The following UBE2QL1 variants were observed in gnomAD, a reference collection of about 807,000 sequenced individuals.
The protein encoded by UBE2QL1 is ubiquitin-conjugating enzyme E2Q-like protein 1.
Under a neutral mutation model 12.6 loss-of-function variants are expected in UBE2QL1, and 5 were observed. That is an observed-to-expected ratio of 0.40 (90% CI 0.21 to 0.83). The LOEUF (loss-of-function observed/expected upper bound fraction) is 0.83. Ranked by LOEUF, UBE2QL1 falls within the 40% of genes least tolerant of loss-of-function variation. The pLI is 0.37. For missense variants in UBE2QL1, 99 were observed against 222.6 expected (o/e 0.44, Z 3.53); for synonymous variants, 96 against 94.5 (o/e 1.02, Z -0.10).
intron 1 of UBE2QL1, among the ~76,000 whole-genome samples, chr5:6,485,574 T>C (rs776476684): frequency 1.3e-5 from 2 of 152,180 alleles, no homozygotes; most frequent in Admixed American, 6.5e-5. Flanking sequence ...TTACAACCCA[T>C]GTCAGGGAGC....
At chr5:6,461,434 T>C (rs1355718907) in intron 1 of UBE2QL1, among the ~76,000 whole-genome samples, 1 of 152,140 alleles carries the variant, frequency 6.6e-6, no homozygotes. Context: ...GCTGTTTTTA[T>C]TGTATTCCCA....
rs1734642866 is a variant in UBE2QL1 at position 6,495,064 on chromosome 5, A to G, written c.*3715A>G. Among the ~76,000 whole-genome samples the G allele has an allele frequency of 6.6e-6, 1 of 152,200 alleles. No homozygotes were observed. The highest frequency in any genetic ancestry group is 1.5e-5 in the Non-Finnish European group (1 of 68,038). On this transcript the variant is annotated 3_prime_UTR_variant, in exon 2 of 2. Coordinates refer to ENST00000399816, the MANE Select transcript of UBE2QL1 (RefSeq NM_001145161.3). ...TCAGGTTTGAGCCATGGCTGGGCAA[A>G]GGGAAGGAGAAGGGCAGGTGTAGCA...
rs151117573 is a variant in UBE2QL1, at chr5:6,488,148, C to T, written c.355-3070C>T. Among the ~76,000 whole-genome samples the T allele has an allele frequency of 2.2e-4, 33 of 152,336 alleles. No homozygotes were observed. In the East Asian group the frequency reaches 4.8e-3, roughly 22 times the overall value. On this transcript the variant is annotated intron_variant, in intron 1 of 1. Transcript: ENST00000399816. ...CGCTGAGCCTCTGACTGGCTCATAACGGGCTCTGTCTCCCAGCTGTGGAAT... is the reference window on the plus strand; with the variant it reads ...CGCTGAGCCTCTGACTGGCTCATAATGGGCTCTGTCTCCCAGCTGTGGAAT...
At chr5:6,466,142 C>T (rs1015442475) in intron 1 of UBE2QL1, among the ~76,000 whole-genome samples, 1 of 152,092 alleles carries the variant, frequency 6.6e-6, no homozygotes, top group East Asian at 1.9e-4. Flanking sequence ...GCAGCCACGG[C>T]GATGCAGCGC....
chr5:6,461,113 A>G (rs2126334207), intron 1 of UBE2QL1, among the ~76,000 whole-genome samples: 1 of 152,338 alleles, frequency 6.6e-6, no homozygotes, highest in Middle Eastern at 3.4e-3. Context: ...AGAGAAACCT[A>G]GCTGAAATAT....
rs973661859 is a variant in UBE2QL1 at position 6,479,577 on chromosome 5, G to A, written c.355-11641G>A. ...CCGGTGAGTCTGTCCATCATAAAAA[G>A]GGCAGAGGCTGTGCTCATTAAGACT... On this transcript the variant is annotated intron_variant, in intron 1 of 1. Transcript: ENST00000399816. The surrounding 1 kb of genome is among the most constrained non-coding windows in gnomAD (Gnocchi z 4.2). 3.3e-5 allele frequency among the ~76,000 whole-genome samples: 5 copies of A among 152,200 alleles called. No individual in the cohort carries two copies. Among genetic ancestry groups the A allele is most frequent in the African/African-American group, 1.2e-4 (5 of 41,438 alleles).
At chr5:6,459,465 C>G (rs1739604764) in intron 1 of UBE2QL1, among the ~76,000 whole-genome samples, 1 of 152,154 alleles carries the variant, frequency 6.6e-6, no homozygotes, top group South Asian at 2.1e-4. Context: ...TCCCTTCCTG[C>G]TGCCCCAAAC....
chr5:6,488,226 A>G (rs1474814415), intron 1 of UBE2QL1, among the ~76,000 whole-genome samples: 2 of 152,208 alleles, frequency 1.3e-5, no homozygotes, highest in Non-Finnish European at 2.9e-5. Flanking sequence ...AGAAAAGGCA[A>G]CAAAGAGTGG....
At chr5:6,474,749 G>A (rs824621) in intron 1 of UBE2QL1, among the ~76,000 whole-genome samples, 132,521 of 152,144 alleles carry the variant, frequency 0.87, 58,376 homozygotes, top group South Asian at 0.96. Context: ...GAGAGGGGCA[G>A]TGAGCACTTT....
intron 1 of UBE2QL1, among the ~76,000 whole-genome samples, chr5:6,456,864 C>T (rs1458474613): frequency 6.6e-6 from 1 of 152,102 alleles, no homozygotes; most frequent in East Asian, 1.9e-4. Flanking sequence ...CGACCTTGCC[C>T]CTTACCTGGC....
At position 6,495,737 on chromosome 5, in the gene UBE2QL1, C is replaced by G. The variant is rs950412264; in HGVS notation, c.*4388C>G. On this transcript the variant is annotated 3_prime_UTR_variant, in exon 2 of 2. Transcript: ENST00000399816. ...CTTCTGTAAGGGGCTTGGAGCTCAG[C>G]CTATGGGACTGTAGTCAGAACTTTG... Among the ~76,000 whole-genome samples the G allele has an allele frequency of 6.6e-5, 10 of 152,150 alleles. No individual in the cohort carries two copies. The highest frequency in any genetic ancestry group is 2.4e-4 in the African/African-American group (10 of 41,424).
In UBE2QL1 at chr5:6,458,962, G is replaced by A. The variant is rs114063481; in HGVS notation, c.354+9715G>A. Among the ~76,000 whole-genome samples the A allele has an allele frequency of 5.1e-3, 764 of 148,728 alleles. 4 individuals carry two copies. The highest frequency in any genetic ancestry group is 0.018 in the African/African-American group (740 of 40,258). ...GTGCCTGCGTCTGACAGCACCTCTC[G>A]GGTGGGAGCCTTCCTCCTCCAGGTT... On this transcript the variant is annotated intron_variant, in intron 1 of 1. Transcript: ENST00000399816.
rs1405756674 is a variant in UBE2QL1 at position 6,494,253 on chromosome 5, A to G, written c.*2904A>G. On this transcript the variant is annotated 3_prime_UTR_variant, in exon 2 of 2. Transcript: ENST00000399816. ...TCTGTAACTTTCTAGAAGACTGAGA[A>G]CTGCTTATGCCTTAGGGAGTTCTAT... 1.3e-5 allele frequency: 2 copies of G among 152,162 alleles called. No individual in the cohort carries two copies. The highest frequency in any genetic ancestry group is 4.1e-4 in the South Asian group (2 of 4,828). The allele number at this position is 152,162 out of a possible 1,614,324, so 9.4% of individuals were successfully genotyped here. A position where few individuals can be genotyped will look rare whatever the true frequency, so the allele number is the denominator to read the frequency against.
chr5:6,452,162 TA>T (rs914198129), intron 1 of UBE2QL1, among the ~76,000 whole-genome samples: 4 of 152,336 alleles, frequency 2.6e-5, no homozygotes, highest in Admixed American at 2.6e-4. Flanking sequence ...AAAACAATTT[TA>T]AGAGTTTTGT....
chr5:6,488,806 GA>G (rs10658559), intron 1 of UBE2QL1, among the ~76,000 whole-genome samples: 3 of 124,798 alleles, frequency 2.4e-5, no homozygotes, highest in South Asian at 2.3e-4. Context: ...TCTGTCTCAA[GA>G]AAAAAAAAAA....
chr5:6,451,540 A>G (rs1371694210), intron 1 of UBE2QL1, among the ~76,000 whole-genome samples: 1 of 152,216 alleles, frequency 6.6e-6, no homozygotes, highest in African/African-American at 2.4e-5. Flanking sequence ...CCCTCCACCT[A>G]GCATGTCATG....
chr5:6,461,536 A>ACCCCC lies in UBE2QL1; in HGVS notation c.354+12292_354+12293insCCCCC, dbSNP rs1489545549. 3.0e-4 allele frequency among the ~76,000 whole-genome samples: 11 copies of ACCCCC among 36,258 alleles called. 1 individual carries two copies. Among genetic ancestry groups the ACCCCC allele is most frequent in the Non-Finnish European group, 4.6e-4 (8 of 17,414 alleles). The allele number at this position is 36,258 out of a possible 152,430, so 23.8% of individuals were successfully genotyped here. A position where few individuals can be genotyped will look rare whatever the true frequency, so the allele number is the denominator to read the frequency against. Reference sequence around the variant, plus strand: ...CCTCCTATCCCCAGTGTTTTTCAGCACCCACCACCCCCCCCCGCCGGCATA... The same window carrying ACCCCC: ...CCTCCTATCCCCAGTGTTTTTCAGCACCCCCCCCACCACCCCCCCCCGCCGGCATA... On this transcript the variant is annotated intron_variant, in intron 1 of 1. Transcript: ENST00000399816.
At chr5:6,461,794 T>C (rs1261019506) in intron 1 of UBE2QL1, among the ~76,000 whole-genome samples, 1 of 152,182 alleles carries the variant, frequency 6.6e-6, no homozygotes, top group Non-Finnish European at 1.5e-5. Flanking sequence ...TTTAGTGAGA[T>C]GATTCCGATC....
chr5:6,456,677 G>A (rs183436723), intron 1 of UBE2QL1, among the ~76,000 whole-genome samples: 114 of 152,242 alleles, frequency 7.5e-4, no homozygotes, highest in Non-Finnish European at 1.2e-3. Flanking sequence ...TCTGCGTAAC[G>A]TCTGCGACCC....
Sources: gnomAD v4.1 joint callset for allele counts (sites outside exome capture counted in the v4.1 genomes callset) on GRCh38, gnomAD v4.1.1 for gene constraint, Gnocchi (gnomAD v3.1) non-coding constraint, MANE v1.5 for transcripts, NCBI Gene and HGNC (gene_info 2026-07-23, HGNC 2026-07-21) for gene names.